Variants in ADAM19 observed in about 807,000 individuals in gnomAD.
ADAM19 encodes the protein ADAM metallopeptidase domain 19.
ADAM19 carries 65 observed loss-of-function variants against 114.7 expected under a neutral mutation model. The ratio of observed to expected loss-of-function variants is 0.57; its 90% CI spans 0.46 to 0.70. The LOEUF is 0.70. ADAM19 is among the 30% of genes least tolerant of loss of function. The pLI, the probability that ADAM19 is intolerant of heterozygous loss-of-function variation, is 0.00. For missense variants in ADAM19, 1,063 were observed against 1,204.7 expected (o/e 0.88, Z 1.74); for synonymous variants, 466 against 460.5 (o/e 1.01, Z -0.15).
intron 1 of ADAM19, among the ~76,000 whole-genome samples, chr5:157,572,539 G>A (rs1442982958): frequency 6.6e-6 from 1 of 152,164 alleles, no homozygotes; most frequent in East Asian, 1.9e-4. Context: ...TGGTGATTAT[G>A]AGTAATTATT....
chr5:157,547,516 C>T (rs1757081291), intron 3 of ADAM19, among the ~76,000 whole-genome samples: 1 of 152,142 alleles, frequency 6.6e-6, no homozygotes, highest in Non-Finnish European at 1.5e-5. Flanking sequence ...TCCCTTTCAC[C>T]ATGGGGTAGC....
intron 3 of ADAM19, among the ~76,000 whole-genome samples, chr5:157,558,127 A>G (rs113775355): frequency 0.02 from 3,120 of 152,356 alleles, 119 homozygotes; most frequent in African/African-American, 0.072. Flanking sequence ...TGACGTGCCT[A>G]GCAAAGCACT....
chr5:157,490,186 T>A (rs1755101505), intron 19 of ADAM19, 124 bp downstream of exon 19: 3 of 1,036,848 alleles, frequency 2.9e-6, no homozygotes, highest in Non-Finnish European at 4.4e-6. Context: ...GAGGGCAGCA[T>A]GTATCTTGCA....
chr5:157,530,632 TG>T (rs1463868649), intron 5 of ADAM19, among the ~76,000 whole-genome samples, 174 bp downstream of exon 5: 1 of 152,260 alleles, frequency 6.6e-6, no homozygotes, highest in Non-Finnish European at 1.5e-5. Flanking sequence ...AATGGATTTC[TG>T]GATTACCTAG....
At chr5:157,501,408 T>C (rs1755558767) in intron 12 of ADAM19, among the ~76,000 whole-genome samples, 1 of 152,224 alleles carries the variant, frequency 6.6e-6, no homozygotes, top group Non-Finnish European at 1.5e-5. Flanking sequence ...GTACATATAT[T>C]CTTTTGCAAT....
intron 21 of ADAM19, among the ~76,000 whole-genome samples, chr5:157,487,240 T>C (rs567720203): frequency 1.3e-5 from 2 of 152,282 alleles, no homozygotes; most frequent in East Asian, 3.9e-4. Flanking sequence ...CTGTCAATCT[T>C]TCCTCTCTTT....
At chr5:157,574,683 C>G (rs1757924441) in intron 1 of ADAM19, among the ~76,000 whole-genome samples, 1 of 152,158 alleles carries the variant, frequency 6.6e-6, no homozygotes, top group Non-Finnish European at 1.5e-5. Flanking sequence ...TGAGAGAACC[C>G]GGGCACCGCC....
Position 157,491,968 on chromosome 5 carries a change from T to A in ADAM19, c.1909-56A>T. 3 of 1,584,318 alleles carry A rather than the reference T, an allele frequency of 1.9e-6. No individual in the cohort carries two copies. On this transcript the variant is annotated intron_variant, in intron 16 of 22. Coordinates refer to ENST00000257527, the MANE Select transcript of ADAM19 (RefSeq NM_033274.5). ...CAATGGGAGGGATGCTGGTTGGGAG[T>A]TAGGAGGCAAGATTTTGCACTTGGA...
chr5:157,501,589 GGC>G (rs1755563991), intron 12 of ADAM19, among the ~76,000 whole-genome samples: 1 of 152,100 alleles, frequency 6.6e-6, no homozygotes, highest in Non-Finnish European at 1.5e-5. Context: ...CCCACTCTCA[GGC>G]CATTCCTCAA....
chr5:157,479,635 G>A lies in ADAM19; in HGVS notation c.*1314C>T, dbSNP rs529070726. 2.4e-5 allele frequency: 24 copies of A among 985,982 alleles called. No individual in the cohort carries two copies. Among genetic ancestry groups the A allele is most frequent in the Middle Eastern group, 5.2e-4 (1 of 1,918 alleles). The allele number at this position is 985,982 out of a possible 1,614,324, so 61.1% of individuals were successfully genotyped here. On this transcript the variant is annotated 3_prime_UTR_variant, in exon 23 of 23. Coordinates refer to ENST00000257527, the MANE Select transcript of ADAM19 (RefSeq NM_033274.5). ...AGAGCTCTCTTTCTGTGAGGGTCAGGTAAGGGCAGTGACCAGAGAGAGAAC... is the reference window on the plus strand; with the variant it reads ...AGAGCTCTCTTTCTGTGAGGGTCAGATAAGGGCAGTGACCAGAGAGAGAAC...
At chr5:157,518,240 A>G (rs1756150721) in intron 7 of ADAM19, among the ~76,000 whole-genome samples, 2 of 150,742 alleles carry the variant, frequency 1.3e-5, no homozygotes, top group South Asian at 2.1e-4. Flanking sequence ...AGAAATGTTA[A>G]TCAGACAACT....
intron 1 of ADAM19, among the ~76,000 whole-genome samples, chr5:157,572,742 G>A (rs1757867498): frequency 6.6e-6 from 1 of 152,168 alleles, no homozygotes; most frequent in African/African-American, 2.4e-5. Context: ...TAATATTCAT[G>A]GAGGAACAAG....
chr5:157,494,524 T>C (rs1755289820), intron 15 of ADAM19, among the ~76,000 whole-genome samples, 163 bp downstream of exon 15: 1 of 152,180 alleles, frequency 6.6e-6, no homozygotes, highest in South Asian at 2.1e-4. Flanking sequence ...AGCTGAAAAG[T>C]GCATTGTCAA....
At position 157,477,342 on chromosome 5, in the gene ADAM19, T is replaced by C. The variant is rs1469941404; in HGVS notation, c.*3607A>G. On this transcript the variant is annotated 3_prime_UTR_variant, in exon 23 of 23. Coordinates refer to ENST00000257527, the MANE Select transcript of ADAM19 (RefSeq NM_033274.5). Reference sequence around the variant, plus strand: ...GACAAACAATTCATTTTTAATTAAATACTAACAAGGAAAAAAGGCACCATG... The same window carrying C: ...GACAAACAATTCATTTTTAATTAAACACTAACAAGGAAAAAAGGCACCATG... 11 of 996,904 alleles carry C rather than the reference T, an allele frequency of 1.1e-5. No homozygotes were observed. The highest frequency in any genetic ancestry group is 1.1e-5 in the Non-Finnish European group (9 of 836,074). 61.8% of individuals were successfully genotyped at this position (996,904 alleles called of 1,614,324 possible). A position where few individuals can be genotyped will look rare whatever the true frequency, so the allele number is the denominator to read the frequency against.
intron 3 of ADAM19, among the ~76,000 whole-genome samples, chr5:157,544,624 C>A (rs766362859): frequency 1.3e-5 from 2 of 152,184 alleles, no homozygotes; most frequent in Non-Finnish European, 2.9e-5. Context: ...CAGGGACCTG[C>A]GGGGCCCTCA....
chr5:157,513,512 G>A lies in ADAM19; in HGVS notation c.667-7C>T, dbSNP rs370645751. 106 of 1,613,518 alleles carry A rather than the reference G, an allele frequency of 6.6e-5. 1 individual carries two copies. In the African/African-American group the frequency reaches 1.3e-3, roughly 20 times the overall value. ...CTCGTCGATTCTTCTGAAACTAAAT[G>A]GGACAAGCAGAACCATGTGAGATCC... On this transcript the variant is annotated splice_region_variant and splice_polypyrimidine_tract_variant and intron_variant, in intron 7 of 22. Coordinates refer to ENST00000257527, the MANE Select transcript of ADAM19 (RefSeq NM_033274.5).
chr5:157,523,989 T>C (rs1756382795), intron 5 of ADAM19, among the ~76,000 whole-genome samples: 1 of 152,178 alleles, frequency 6.6e-6, no homozygotes, highest in South Asian at 2.1e-4. Flanking sequence ...TTCCCTCCCT[T>C]CCTCCAACTG....
At position 157,494,809 on chromosome 5, in the gene ADAM19, C is replaced by T. The variant is rs746918367; in HGVS notation, c.1595-14G>A. On this transcript the variant is annotated splice_polypyrimidine_tract_variant and intron_variant, in intron 14 of 22. Transcript: ENST00000257527. Reference sequence around the variant, plus strand: ...CAGGTCGGGCTCCTGGGTGGGCAAGCAACATCTATCAGTATACTCATCTGT... The same window carrying T: ...CAGGTCGGGCTCCTGGGTGGGCAAGTAACATCTATCAGTATACTCATCTGT... The T allele has an allele frequency of 6.2e-7, 1 of 1,607,110 alleles. No individual in the cohort carries two copies. Among genetic ancestry groups the T allele is most frequent in the Non-Finnish European group, 8.5e-7 (1 of 1,174,076 alleles).
chr5:157,531,059 T>A (rs1209785725), intron 4 of ADAM19, among the ~76,000 whole-genome samples, 176 bp from the exon 5 acceptor site: 1 of 152,044 alleles, frequency 6.6e-6, no homozygotes, highest in Admixed American at 6.6e-5. Flanking sequence ...CCCATAATAA[T>A]CCTAGGAGAC....
Sources: gnomAD v4.1 joint callset for allele counts (sites outside exome capture counted in the v4.1 genomes callset) on GRCh38, gnomAD v4.1.1 for gene constraint, MANE v1.5 for transcripts, NCBI Gene and HGNC (gene_info 2026-07-23, HGNC 2026-07-21) for gene names.